Variants in TRMT11 observed in about 807,000 individuals in gnomAD.
TRMT11 encodes the protein tRNA (guanine(10)-N(2))-methyltransferase TRMT11.
A neutral mutation model predicts 62.8 loss-of-function variants in TRMT11; 53 were observed. That is an observed-to-expected ratio of 0.84 (90% CI 0.68 to 1.06). The LOEUF (loss-of-function observed/expected upper bound fraction) is 1.06. Ranked by LOEUF, TRMT11 falls within the 50% of genes least tolerant of loss-of-function variation. The probability of loss-of-function intolerance (pLI) is 0.00; values close to 1 mark genes in which losing one functional copy is unlikely to be tolerated. For missense variants in TRMT11, 556 were observed against 553.4 expected (o/e 1.00, Z -0.05); for synonymous variants, 188 against 190.3 (o/e 0.99, Z 0.10).
At chr6:126,072,132 A>G (rs1010710368) in intron 17 of TRMT11, among the ~76,000 whole-genome samples, 8 of 152,196 alleles carry the variant, frequency 5.3e-5, no homozygotes, top group Non-Finnish European at 1.0e-4. Flanking sequence ...TATAGTTAAC[A>G]GCATCTACTA....
At chr6:126,092,596 C>T (rs1486464534) in intron 17 of TRMT11, among the ~76,000 whole-genome samples, 1 of 152,132 alleles carries the variant, frequency 6.6e-6, no homozygotes, top group Non-Finnish European at 1.5e-5. Flanking sequence ...ACCGTATCAT[C>T]TGGTTTTCTA....
downstream of TRMT11, chr6:126,039,416 A>G (rs2128084497): frequency 6.6e-6 from 1 of 152,280 alleles, no homozygotes; most frequent in South Asian, 2.1e-4. Context: ...GAAAGATTCC[A>G]AACTCCTTAA....
chr6:126,105,643 T>G (rs1420491430), intron 17 of TRMT11, among the ~76,000 whole-genome samples: 1 of 152,016 alleles, frequency 6.6e-6, no homozygotes, highest in Non-Finnish European at 1.5e-5. Context: ...ATTGAGATGG[T>G]TTTTGCCTTG....
At chr6:126,221,536 T>C in the TRMT11 span, among the ~76,000 whole-genome samples, 17 of 152,234 alleles carry the variant, frequency 1.1e-4, no homozygotes, top group Admixed American at 2.0e-4. Context: ...TTTGTATGTT[T>C]GTTGGATGTG....
At chr6:126,086,681 G>A (rs1777220306) in intron 17 of TRMT11, among the ~76,000 whole-genome samples, 1 of 151,982 alleles carries the variant, frequency 6.6e-6, no homozygotes, top group African/African-American at 2.4e-5. Flanking sequence ...ATGATCTTTG[G>A]CATTGCATAC....
intron 17 of TRMT11, among the ~76,000 whole-genome samples, chr6:126,059,808 G>A (rs1776479036): frequency 6.6e-6 from 1 of 152,092 alleles, no homozygotes; most frequent in Admixed American, 6.6e-5. Flanking sequence ...CAGTAAGTAC[G>A]TTTCTCTAGG....
At chr6:126,250,845 G>T in the TRMT11 span, among the ~76,000 whole-genome samples, 1 of 152,078 alleles carries the variant, frequency 6.6e-6, no homozygotes, top group African/African-American at 2.4e-5. Context: ...TTAAGCTTTG[G>T]TCGTTAGCCG....
intron 17 of TRMT11, among the ~76,000 whole-genome samples, chr6:126,073,356 C>T (rs182538986): frequency 6.6e-6 from 1 of 152,290 alleles, no homozygotes; most frequent in African/African-American, 2.4e-5. Flanking sequence ...GACTATTGAA[C>T]TCTTTTCTCT....
the TRMT11 span, among the ~76,000 whole-genome samples, chr6:126,228,240 C>G: frequency 2.6e-5 from 4 of 152,272 alleles, no homozygotes; most frequent in South Asian, 8.3e-4. Flanking sequence ...CAGTCCTGAT[C>G]GTTTTAAATG....
intron 17 of TRMT11, among the ~76,000 whole-genome samples, chr6:126,066,671 G>C (rs1203993765): frequency 6.6e-6 from 1 of 152,120 alleles, no homozygotes; most frequent in East Asian, 1.9e-4. Flanking sequence ...CACGGACTGA[G>C]TTATAACCCT....
intron 21 of TRMT11, among the ~76,000 whole-genome samples, chr6:126,141,107 G>A (rs533616306): frequency 3.4e-4 from 51 of 152,106 alleles, no homozygotes; most frequent in African/African-American, 8.9e-4. Flanking sequence ...TAGAGAAAAC[G>A]TACTTAGCAA....
At chr6:126,161,180 A>G (rs1282272215) in intron 21 of TRMT11, among the ~76,000 whole-genome samples, 1 of 152,044 alleles carries the variant, frequency 6.6e-6, no homozygotes, top group Non-Finnish European at 1.5e-5. Context: ...TGCTGCACCC[A>G]TCAACCTGTC....
intron 1 of TRMT11, among the ~76,000 whole-genome samples, chr6:125,989,201 T>C (rs1262534692): frequency 6.8e-6 from 1 of 146,526 alleles, no homozygotes; most frequent in African/African-American, 2.5e-5. Flanking sequence ...CGGTCTCGGC[T>C]CACTGCAAGC....
chr6:126,248,901 A>G, the TRMT11 span, among the ~76,000 whole-genome samples: 3 of 152,262 alleles, frequency 2.0e-5, no homozygotes, highest in African/African-American at 7.2e-5. Context: ...CAATTTTTAC[A>G]TCGAAAGAAA....
chr6:126,171,056 C>T (rs774487669), intron 21 of TRMT11, among the ~76,000 whole-genome samples: 30 of 152,072 alleles, frequency 2.0e-4, no homozygotes, highest in Non-Finnish European at 3.8e-4. Context: ...TTTACTGATG[C>T]CCTCAGTGCT....
chr6:126,093,609 A>ATT (rs1562321359), intron 17 of TRMT11, among the ~76,000 whole-genome samples: 1 of 91,040 alleles, frequency 1.1e-5, no homozygotes, highest in African/African-American at 7.1e-5. Flanking sequence ...ATATATATAT[A>ATT]TATATATATA....
At chr6:126,151,826 C>CCTTTCTTTCTTTCTTTCTT (rs1778048755) in intron 21 of TRMT11, among the ~76,000 whole-genome samples, 8 of 76,132 alleles carry the variant, frequency 1.1e-4, no homozygotes, top group Non-Finnish European at 1.9e-4. Flanking sequence ...TTCTTTCTTT[C>CCTTTCTTTCTTTCTTTCTT]TTTCTTTCTT....
At chr6:126,014,417 A>G (rs1562265741) in intron 11 of TRMT11, among the ~76,000 whole-genome samples, 1 of 151,958 alleles carries the variant, frequency 6.6e-6, no homozygotes. Flanking sequence ...CGGCCCGCTA[A>G]GTTTTGTATT....
At chr6:126,121,140 T>C (rs1320708906) in intron 21 of TRMT11, among the ~76,000 whole-genome samples, 1 of 152,106 alleles carries the variant, frequency 6.6e-6, no homozygotes, top group Non-Finnish European at 1.5e-5. Flanking sequence ...TCTATTAGAT[T>C]ATCAATTTCT....
Sources: gnomAD v4.1 joint callset for allele counts (sites outside exome capture counted in the v4.1 genomes callset) on GRCh38, gnomAD v4.1.1 for gene constraint, MANE v1.5 for transcripts, NCBI Gene and HGNC (gene_info 2026-07-23, HGNC 2026-07-21) for gene names.